The following LPIN2 variants were observed in gnomAD, a reference collection of about 807,000 sequenced individuals.
LPIN2 encodes the protein lipin 2, also known as phosphatidate phosphatase LPIN2.
Under a neutral mutation model 111.4 loss-of-function variants are expected in LPIN2, and 55 were observed. That is an observed-to-expected ratio of 0.49 (90% CI 0.40 to 0.62). The LOEUF (loss-of-function observed/expected upper bound fraction) is 0.62. LPIN2 is among the 20% of genes least tolerant of loss of function. The pLI is 0.00. For missense variants in LPIN2, 992 were observed against 1,112.1 expected (o/e 0.89, Z 1.54); for synonymous variants, 425 against 414.0 (o/e 1.03, Z -0.32).
intron 19 of LPIN2, 25 bp downstream of exon 19, chr18:2,920,753 G>C (rs376392801): frequency 4.4e-6 from 7 of 1,577,682 alleles, no homozygotes; most frequent in Admixed American, 1.7e-5. Context: ...CAGGGCGCCG[G>C]GCTGAGAGCT....
chr18:2,937,629 A>C (rs2077304980), intron 7 of LPIN2, 63 bp downstream of exon 7: 21 of 1,349,240 alleles, frequency 1.6e-5, no homozygotes, highest in Non-Finnish European at 1.9e-5. Flanking sequence ...CGTTATGTGG[A>C]ACACTGAAAT....
intron 1 of LPIN2, among the ~76,000 whole-genome samples, chr18:2,986,256 G>A (rs1046120994): frequency 3.9e-5 from 6 of 152,152 alleles, no homozygotes; most frequent in African/African-American, 1.4e-4. Context: ...TGCTCATTGG[G>A]TAATGGTTAT....
intron 4 of LPIN2, among the ~76,000 whole-genome samples, chr18:2,944,783 A>G: frequency 6.6e-6 from 1 of 152,222 alleles, no homozygotes; most frequent in East Asian, 1.9e-4. Flanking sequence ...TAGTCATAAC[A>G]CCATACAAAC....
intron 1 of LPIN2, among the ~76,000 whole-genome samples, chr18:2,970,984 C>T (rs973513448): frequency 6.6e-6 from 1 of 152,198 alleles, no homozygotes; most frequent in African/African-American, 2.4e-5. Context: ...AAAGGGAAGA[C>T]GCTTTCCCAG....
intron 1 of LPIN2, among the ~76,000 whole-genome samples, chr18:2,973,209 G>A (rs938292012): frequency 2.6e-5 from 4 of 151,714 alleles, no homozygotes; most frequent in African/African-American, 4.8e-5. Context: ...AAAAAAAAAA[G>A]CATACACTTT....
At chr18:2,945,740 A>G in intron 4 of LPIN2, 1 of 1,200,296 alleles carries the variant, frequency 8.3e-7, no homozygotes, top group African/African-American at 1.5e-5. Flanking sequence ...CTTCAAATAC[A>G]ATATGCGCAT....
rs1297616315 is a variant in LPIN2 at position 3,013,128 on chromosome 18, G to A, written c.-51C>T. The stretch of plus-strand genomic sequence containing the variant: ...CCCGGCCAGCGGGCGGCTGAGGGCA[G>A]GCGGCGGCTGGACTGCGACGGCTAG... On this transcript the variant is annotated 5_prime_UTR_variant, in exon 1 of 20. Transcript: ENST00000677752. 1 of 150,690 alleles carries A rather than the reference G, an allele frequency of 6.6e-6. No individual in the cohort carries two copies. The highest frequency in any genetic ancestry group is 1.5e-5 in the Non-Finnish European group (1 of 67,472). The allele number at this position is 150,690 out of a possible 1,614,324, so 9.3% of individuals were successfully genotyped here.
chr18:3,007,664 A>G (rs1040626723), intron 1 of LPIN2, among the ~76,000 whole-genome samples: 28 of 152,218 alleles, frequency 1.8e-4, no homozygotes, highest in African/African-American at 6.5e-4. Flanking sequence ...TCATAAGAAA[A>G]GCACATTGTT....
intron 4 of LPIN2, among the ~76,000 whole-genome samples, chr18:2,941,192 A>G (rs910304395): frequency 3.3e-5 from 5 of 152,222 alleles, no homozygotes; most frequent in East Asian, 1.9e-4. Context: ...TTGAAAATGT[A>G]TATTAGCTGA....
chr18:2,944,139 G>A (rs1446247781), intron 4 of LPIN2, among the ~76,000 whole-genome samples: 3 of 150,266 alleles, frequency 2.0e-5, no homozygotes, highest in South Asian at 4.2e-4. Flanking sequence ...CTATCCAAAC[G>A]ATCTAATTCT....
intron 2 of LPIN2, 161 bp downstream of exon 2, chr18:2,960,488 T>TC (rs1433947061): frequency 1.3e-5 from 9 of 705,916 alleles, no homozygotes; most frequent in Non-Finnish European, 2.2e-5. Context: ...TGACTTCTCG[T>TC]AACATTGTCT....
intron 1 of LPIN2, among the ~76,000 whole-genome samples, chr18:2,989,394 A>T (rs2078231351): frequency 6.6e-6 from 1 of 152,174 alleles, no homozygotes; most frequent in South Asian, 2.1e-4. Context: ...GAAAAAAAAA[A>T]TTAAAGATAA....
At chr18:2,996,834 C>G (rs2078352873) in intron 1 of LPIN2, among the ~76,000 whole-genome samples, 1 of 152,120 alleles carries the variant, frequency 6.6e-6, no homozygotes, top group South Asian at 2.1e-4. Context: ...GACCCACATC[C>G]CACCATCTCC....
At chr18:2,967,687 C>G (rs1185583473) in intron 1 of LPIN2, 7 of 152,182 alleles carry the variant, frequency 4.6e-5, no homozygotes, top group Non-Finnish European at 8.8e-5. Context: ...GAAAGCAGGG[C>G]CACAGACTCC....
At chr18:2,975,169 G>C (rs919072105) in intron 1 of LPIN2, among the ~76,000 whole-genome samples, 2 of 152,168 alleles carry the variant, frequency 1.3e-5, no homozygotes, top group Non-Finnish European at 2.9e-5. Flanking sequence ...GACATGACCA[G>C]ACAAAAGCCC....
chr18:3,004,377 C>A (rs541459875), intron 1 of LPIN2, among the ~76,000 whole-genome samples: 2 of 152,192 alleles, frequency 1.3e-5, no homozygotes, highest in South Asian at 4.1e-4. Context: ...AGAGGCCCAG[C>A]TGTGAAATTC....
chr18:2,926,703 G>A lies in LPIN2; in HGVS notation c.1793+20C>T, dbSNP rs961714657. The A allele has an allele frequency of 5.1e-5, 82 of 1,608,124 alleles. No individual in the cohort carries two copies. The highest frequency in any genetic ancestry group is 6.6e-5 in the Non-Finnish European group (78 of 1,178,238). ...AGAGGGCCTGAGTGCTATGAGCCGG[G>A]CAGAGGACAGGGCACCCACCTGGCA... is the stretch of plus-strand genomic sequence containing the variant. On this transcript the variant is annotated intron_variant, in intron 13 of 19. Coordinates refer to ENST00000677752, the MANE Select transcript of LPIN2 (RefSeq NM_001375808.2).
intron 18 of LPIN2, 21 bp downstream of exon 18, chr18:2,921,512 C>A: frequency 6.4e-7 from 1 of 1,569,558 alleles, no homozygotes; most frequent in Non-Finnish European, 8.8e-7. Context: ...CATCAGAACC[C>A]AGAGCCCAGG....
chr18:3,003,692 G>T (rs769787625), intron 1 of LPIN2, among the ~76,000 whole-genome samples: 7 of 152,156 alleles, frequency 4.6e-5, no homozygotes, highest in Non-Finnish European at 7.3e-5. Context: ...AGCTGAGAAT[G>T]TACGTCACCT....
Sources: gnomAD v4.1 joint callset for allele counts (sites outside exome capture counted in the v4.1 genomes callset) on GRCh38, gnomAD v4.1.1 for gene constraint, MANE v1.5 for transcripts, NCBI Gene and HGNC (gene_info 2026-07-23, HGNC 2026-07-21) for gene names.